Variants in TANC2 observed in about 807,000 individuals in gnomAD.
TANC2 encodes the protein tetratricopeptide repeat, ankyrin repeat and coiled-coil containing 2.
Under a neutral mutation model 210.5 loss-of-function variants are expected in TANC2, and 26 were observed. The ratio of observed to expected loss-of-function variants is 0.12; its 90% CI spans 0.09 to 0.17. The LOEUF (loss-of-function observed/expected upper bound fraction) is 0.17. Ranked by LOEUF, TANC2 falls within the 10% of genes least tolerant of loss-of-function variation. The pLI, the probability that TANC2 is intolerant of heterozygous loss-of-function variation, is 1.00. For missense variants in TANC2, 2,129 were observed against 2,608.9 expected, an observed-to-expected ratio of 0.82 and a Z score of 4.01; for synonymous variants, 931 against 967.1, an observed-to-expected ratio of 0.96 and a Z score of 0.69.
chr17:63,422,196 C>T, exon 28 of TANC2: 1 of 463,256 alleles, frequency 2.2e-6, no homozygotes, highest in South Asian at 3.0e-5. Context: ...TCTTCAGATG[C>T]CAACGAGGAG....
At chr17:63,158,642 A>G (rs1188807192) in intron 5 of TANC2, among the ~76,000 whole-genome samples, 3 of 152,144 alleles carry the variant, frequency 2.0e-5, no homozygotes, top group African/African-American at 4.8e-5. Context: ...GACTTGCAGG[A>G]AGTGTTGGTT....
At chr17:63,133,074 A>G (rs1054884870) in intron 4 of TANC2, among the ~76,000 whole-genome samples, 10 of 152,110 alleles carry the variant, frequency 6.6e-5, no homozygotes, top group African/African-American at 2.4e-4. Flanking sequence ...TCTGGGTTCA[A>G]GCGATTCTCC....
chr17:63,258,725 TC>T (rs1353113805), intron 8 of TANC2, among the ~76,000 whole-genome samples: 1 of 151,524 alleles, frequency 6.6e-6, no homozygotes, highest in African/African-American at 2.4e-5. Context: ...GTCTCTCCTT[TC>T]AGGGTAGGTG....
At chr17:63,190,726 C>G (rs1032109237) in intron 5 of TANC2, among the ~76,000 whole-genome samples, 3 of 151,946 alleles carry the variant, frequency 2.0e-5, no homozygotes, top group Non-Finnish European at 2.9e-5. Context: ...CCATAATGCA[C>G]CCTCCCCCCT....
chr17:63,390,257 CTT>C (rs901971444), intron 17 of TANC2: 1 of 152,228 alleles, frequency 6.6e-6, no homozygotes, highest in African/African-American at 2.4e-5. Flanking sequence ...AAACTGAGGA[CTT>C]TAGTGGTTTC....
intron 14 of TANC2, among the ~76,000 whole-genome samples, chr17:63,377,738 AC>A (rs1337532983): frequency 6.6e-6 from 1 of 152,198 alleles, no homozygotes; most frequent in Non-Finnish European, 1.5e-5. Flanking sequence ...TCTCTGCAGT[AC>A]CAACTTACTG....
chr17:63,146,978 GCAACAA>G (rs564752153), intron 4 of TANC2, among the ~76,000 whole-genome samples: 49 of 151,698 alleles, frequency 3.2e-4, no homozygotes, highest in Admixed American at 7.9e-4. Context: ...TTAAAAAACA[GCAACAA>G]CAACAACAAC....
intron 3 of TANC2, chr17:63,089,280 T>C (rs1407987962): frequency 6.6e-6 from 1 of 152,266 alleles, no homozygotes; most frequent in Non-Finnish European, 1.5e-5. Flanking sequence ...TCTGCCCAGC[T>C]AGGGGCTACC....
At chr17:62,987,883 C>CT (rs1416263691) in intron 1 of TANC2, among the ~76,000 whole-genome samples, 3 of 152,050 alleles carry the variant, frequency 2.0e-5, no homozygotes, top group Non-Finnish European at 1.5e-5. Flanking sequence ...GCTGAAGTCA[C>CT]TGAGTTTTTT....
At chr17:63,008,710 G>A (rs1460911057) in intron 1 of TANC2, among the ~76,000 whole-genome samples, 3 of 152,130 alleles carry the variant, frequency 2.0e-5, no homozygotes, top group Non-Finnish European at 4.4e-5. Context: ...AAAGCAGTCA[G>A]AGAGTTTTCC....
intron 7 of TANC2, among the ~76,000 whole-genome samples, chr17:63,226,655 C>T (rs769057756): frequency 2.6e-5 from 4 of 152,008 alleles, no homozygotes; most frequent in East Asian, 1.9e-4. Flanking sequence ...AGGTTTTTTA[C>T]GTAGGGAAAT....
chr17:63,097,175 G>C (rs961857096), intron 3 of TANC2, among the ~76,000 whole-genome samples: 1 of 151,722 alleles, frequency 6.6e-6, no homozygotes, highest in Non-Finnish European at 1.5e-5. Flanking sequence ...CAAGTAGCTG[G>C]GACTACAGGT....
At chr17:63,195,830 T>C (rs1306367160) in intron 6 of TANC2, among the ~76,000 whole-genome samples, 3 of 152,182 alleles carry the variant, frequency 2.0e-5, no homozygotes, top group African/African-American at 7.2e-5. Context: ...ATCTTTACTG[T>C]GGCCCAGAAG....
In TANC2 at chr17:63,012,721, A is replaced by G. The variant is rs78394486; in HGVS notation, c.67+3095A>G. 1.5e-4 allele frequency among the ~76,000 whole-genome samples: 23 copies of G among 152,228 alleles called. No individual in the cohort carries two copies. In the East Asian group the frequency reaches 4.4e-3, roughly 29 times the overall value. On this transcript the variant is annotated intron_variant, in intron 2 of 27. Transcript: ENST00000689528. Reference sequence around the variant, plus strand: ...GGCTACAATGCAGTGGCACTATAATAGCTCACTATAACCTCAAACTTCTAG... The same window carrying G: ...GGCTACAATGCAGTGGCACTATAATGGCTCACTATAACCTCAAACTTCTAG...
At chr17:63,319,047 T>C in exon 11 of TANC2, 1 of 1,613,570 alleles carries the variant, frequency 6.2e-7, no homozygotes, top group Non-Finnish European at 8.5e-7. Flanking sequence ...ACTCCGGAAA[T>C]GCGCAGGCGG....
chr17:63,177,606 A>C (rs1424459269), intron 5 of TANC2, among the ~76,000 whole-genome samples: 1 of 152,214 alleles, frequency 6.6e-6, no homozygotes, highest in Non-Finnish European at 1.5e-5. Flanking sequence ...GCAACCAAAA[A>C]TAAGCACTTT....
At chr17:63,318,815 T>C (rs2045398796) in intron 10 of TANC2, 142 bp from the exon 11 acceptor site, 3 of 948,080 alleles carry the variant, frequency 3.2e-6, no homozygotes, top group African/African-American at 1.7e-5. Context: ...GTACAAGTTT[T>C]TGGGTGGACA....
intron 1 of TANC2, among the ~76,000 whole-genome samples, chr17:63,001,942 G>C (rs1469154727): frequency 6.6e-6 from 1 of 152,206 alleles, no homozygotes; most frequent in Admixed American, 6.5e-5. Context: ...AGCACTTCCT[G>C]TGTATCAAGT....
intron 9 of TANC2, among the ~76,000 whole-genome samples, chr17:63,269,761 G>C (rs79976802): frequency 1.1e-3 from 161 of 152,178 alleles, no homozygotes; most frequent in Admixed American, 2.0e-3. Context: ...ACAAATACCA[G>C]TTTTATCTGG....
Sources: allele counts gnomAD v4.1 joint callset (sites outside exome capture counted in the v4.1 genomes callset), GRCh38; gene constraint gnomAD v4.1.1; transcripts MANE v1.5; gene names NCBI Gene and HGNC (gene_info 2026-07-23, HGNC 2026-07-21).